Variants in AGMO observed in about 807,000 individuals in gnomAD.
AGMO encodes glyceryl-ether monooxygenase.
In AGMO, 75 loss-of-function variants were observed where a neutral mutation model predicts 60.2. The ratio of observed to expected loss-of-function variants is 1.25; its 90% CI spans 1.03 to 1.51. The LOEUF (loss-of-function observed/expected upper bound fraction) is 1.51. Among genes scored for constraint, AGMO ranks in the 40% most tolerant of loss-of-function variants. AGMO has a pLI of 0.00. For missense variants in AGMO, 763 were observed against 525.5 expected (o/e 1.45, Z -4.42); for synonymous variants, 261 against 177.1 (o/e 1.47, Z -3.76).
intron 12 of AGMO, among the ~76,000 whole-genome samples, chr7:15,285,280 G>T (rs2128520113): frequency 6.6e-6 from 1 of 152,032 alleles, no homozygotes; most frequent in South Asian, 2.1e-4. Context: ...AAAAGAGGAA[G>T]TTAAACTATC....
chr7:15,255,896 T>G (rs751071614), intron 12 of AGMO, among the ~76,000 whole-genome samples: 20 of 152,238 alleles, frequency 1.3e-4, no homozygotes, highest in Non-Finnish European at 2.4e-4. Flanking sequence ...AGCAAGACGG[T>G]TGAAAATATA....
At chr7:15,270,740 G>T (rs991220289) in intron 12 of AGMO, among the ~76,000 whole-genome samples, 1 of 150,416 alleles carries the variant, frequency 6.6e-6, no homozygotes, top group East Asian at 2.0e-4. Context: ...GCCTGGGTCA[G>T]TGTCCAGAAG....
chr7:15,230,116 T>A (rs1191858048), intron 12 of AGMO, among the ~76,000 whole-genome samples: 2 of 151,850 alleles, frequency 1.3e-5, no homozygotes, highest in Non-Finnish European at 2.9e-5. Context: ...GCTTTCCCCA[T>A]TAAAGGACTT....
intron 3 of AGMO, among the ~76,000 whole-genome samples, chr7:15,493,269 G>A (rs1783118311): frequency 7.1e-6 from 1 of 141,348 alleles, no homozygotes; most frequent in African/African-American, 2.7e-5. Flanking sequence ...TGTTTTGTTA[G>A]TCTCATTCTT....
intron 3 of AGMO, among the ~76,000 whole-genome samples, chr7:15,532,385 C>G (rs1484906740): frequency 6.6e-6 from 1 of 152,142 alleles, no homozygotes; most frequent in African/African-American, 2.4e-5. Flanking sequence ...TGCATTAGCT[C>G]TGAGAGTTGG....
At chr7:15,293,503 C>T (rs913070591) in intron 12 of AGMO, among the ~76,000 whole-genome samples, 1 of 151,998 alleles carries the variant, frequency 6.6e-6, no homozygotes, top group East Asian at 1.9e-4. Context: ...CAGATTACCT[C>T]TATGCACCAA....
intron 2 of AGMO, among the ~76,000 whole-genome samples, chr7:15,550,302 G>A (rs1784911430): frequency 6.6e-6 from 1 of 151,854 alleles, no homozygotes; most frequent in Non-Finnish European, 1.5e-5. Flanking sequence ...CAGAAAGCAA[G>A]AAATAACTAA....
intron 12 of AGMO, among the ~76,000 whole-genome samples, chr7:15,335,284 T>C (rs191347371): frequency 6.0e-4 from 91 of 152,248 alleles, no homozygotes; most frequent in African/African-American, 2.1e-3. Flanking sequence ...TTCTGTAAAT[T>C]TATGAAAATT....
the AGMO span, among the ~76,000 whole-genome samples, chr7:15,141,295 A>T: frequency 0.049 from 7,461 of 152,178 alleles, 618 homozygotes; most frequent in African/African-American, 0.16. Flanking sequence ...GTATAAAACT[A>T]TGTGTTGGCG....
At chr7:15,276,315 T>C (rs1396662353) in intron 12 of AGMO, among the ~76,000 whole-genome samples, 4 of 152,174 alleles carry the variant, frequency 2.6e-5, no homozygotes, top group Admixed American at 2.6e-4. Flanking sequence ...TACAAAAGTA[T>C]CGACTGGCAT....
intron 10 of AGMO, among the ~76,000 whole-genome samples, chr7:15,367,123 G>A (rs1360805543): frequency 1.3e-5 from 2 of 151,846 alleles, no homozygotes; most frequent in African/African-American, 4.8e-5. Context: ...TCAGTCAAAG[G>A]ACTTTCCTTT....
intron 3 of AGMO, among the ~76,000 whole-genome samples, chr7:15,538,453 G>A (rs1181370414): frequency 6.6e-6 from 1 of 152,066 alleles, no homozygotes; most frequent in South Asian, 2.1e-4. Context: ...GGTTGGTCTT[G>A]AAACTCCTAG....
intron 10 of AGMO, among the ~76,000 whole-genome samples, chr7:15,370,948 TCATA>T (rs1783185155): frequency 6.6e-6 from 1 of 152,156 alleles, no homozygotes; most frequent in Non-Finnish European, 1.5e-5. Flanking sequence ...GAGGACTTAC[TCATA>T]AATTATTTCC....
chr7:15,201,584 C>T (rs1415778465), intron 12 of AGMO, among the ~76,000 whole-genome samples: 2 of 152,034 alleles, frequency 1.3e-5, no homozygotes, highest in Non-Finnish European at 2.9e-5. Context: ...ATTTCTGTGG[C>T]TTGTTTCTTA....
At chr7:15,196,086 G>C (rs10271069), downstream of AGMO, among the ~76,000 whole-genome samples, 1,882 of 150,936 alleles carry the variant, frequency 0.012, 32 homozygotes, top group African/African-American at 0.04. Context: ...CTCTGTCACC[G>C]GGCTGGAATG....
chr7:15,367,858 G>A (rs995362998), intron 10 of AGMO, among the ~76,000 whole-genome samples: 2 of 152,026 alleles, frequency 1.3e-5, no homozygotes, highest in African/African-American at 4.8e-5. Flanking sequence ...CCCTTGAAAT[G>A]AATATAAGGA....
chr7:15,382,749 T>C (rs376565450), intron 10 of AGMO, among the ~76,000 whole-genome samples: 198 of 152,266 alleles, frequency 1.3e-3, no homozygotes, highest in African/African-American at 4.5e-3. Context: ...ACAAATTTAA[T>C]TGAATATTCT....
chr7:15,186,600 GAAGGA>G, the AGMO span, among the ~76,000 whole-genome samples: 1 of 152,182 alleles, frequency 6.6e-6, no homozygotes, highest in Non-Finnish European at 1.5e-5. Flanking sequence ...TATAGTTGCA[GAAGGA>G]AAGAATTCTA....
At chr7:15,195,379 T>G (rs886995553), downstream of AGMO, among the ~76,000 whole-genome samples, 1 of 152,226 alleles carries the variant, frequency 6.6e-6, no homozygotes, top group Non-Finnish European at 1.5e-5. Context: ...CCTGGTAAAG[T>G]GCACAGGGTT....
Sources: allele counts gnomAD v4.1 joint callset (sites outside exome capture counted in the v4.1 genomes callset), GRCh38; gene constraint gnomAD v4.1.1; transcripts MANE v1.5; gene names NCBI Gene and HGNC (gene_info 2026-07-23, HGNC 2026-07-21).